The following MAP3K7CL variants were observed in gnomAD, a reference collection of about 807,000 sequenced individuals.
MAP3K7CL encodes MAP3K7 C-terminal like, also known as MAP3K7 C-terminal-like protein.
MAP3K7CL carries 16 observed loss-of-function variants against 18.6 expected under a neutral mutation model. The observed-to-expected ratio is 0.86, with a 90% CI of 0.58 to 1.31. The LOEUF (loss-of-function observed/expected upper bound fraction) is 1.31, where lower values mean the gene tolerates loss of function less well. Ranked by LOEUF, MAP3K7CL falls within the 50% of genes most tolerant of loss-of-function variation. MAP3K7CL has a pLI of 0.00. For missense variants in MAP3K7CL, 163 were observed against 174.4 expected, an observed-to-expected ratio of 0.93 and a Z score of 0.37; for synonymous variants, 65 against 66.8, an observed-to-expected ratio of 0.97 and a Z score of 0.13.
At chr21:29,107,595 C>T (rs73899337) in intron 4 of MAP3K7CL, among the ~76,000 whole-genome samples, 1 of 152,144 alleles carries the variant, frequency 6.6e-6, no homozygotes, top group African/African-American at 2.4e-5. Flanking sequence ...TCCCTTGCCA[C>T]CCCCACCTGT....
intron 2 of MAP3K7CL, among the ~76,000 whole-genome samples, chr21:29,134,934 C>T (rs1177895436): frequency 4.6e-5 from 7 of 152,048 alleles, no homozygotes; most frequent in African/African-American, 1.2e-4. Flanking sequence ...GCCTGTAGTC[C>T]CAGCTACTCG....
At chr21:29,109,473 G>C in intron 4 of MAP3K7CL, 1 of 1,150,556 alleles carries the variant, frequency 8.7e-7, no homozygotes, top group Non-Finnish European at 1.1e-6. Context: ...TCAGCATTCG[G>C]TTGTTCTCTT....
Position 29,109,422 on chromosome 21 carries a change from A to C in MAP3K7CL, c.370+16841A>C, listed in dbSNP as rs560688667. 7.0e-5 allele frequency: 90 copies of C among 1,280,290 alleles called. 2 individuals are homozygous for C. In the South Asian group the frequency reaches 1.7e-3, roughly 25 times the overall value. 79.3% of individuals were successfully genotyped at this position (1,280,290 alleles called of 1,614,324 possible). On this transcript the variant is annotated intron_variant, in intron 4 of 6. Coordinates refer to the MAP3K7CL transcript ENST00000286791. ...AAAAATGCTCAGCCAGGAGGTGTTAAGTATTTCACTAAGTGTGAGACTTCT... is the reference window on the plus strand; with the variant it reads ...AAAAATGCTCAGCCAGGAGGTGTTACGTATTTCACTAAGTGTGAGACTTCT...
At chr21:29,087,042 G>A (rs909543310) in intron 1 of MAP3K7CL, among the ~76,000 whole-genome samples, 3 of 152,124 alleles carry the variant, frequency 2.0e-5, no homozygotes, top group Non-Finnish European at 2.9e-5. Context: ...CATGTCCTGC[G>A]TCTTTTCCAC....
chr21:29,174,770 C>G lies in MAP3K7CL; in HGVS notation c.307C>G (p.Leu103Val). 1 of 1,614,114 alleles carries G rather than the reference C, an allele frequency of 6.2e-7. No homozygotes were observed. Among genetic ancestry groups the G allele is most frequent in the Non-Finnish European group, 8.5e-7 (1 of 1,179,998 alleles). The change falls in exon 5 of 5, where the codon CTG (leucine) becomes GTG (valine). Residue 103 changes from leucine (L) to valine (V), a missense_variant. By Grantham distance (32) the Leu-to-Val change is conservative (BLOSUM62 1). Transcript: ENST00000399928. ...AAAGGAGAAGGTGGATGCTGCTGAG[C>G]TGGTTCGGGAATTCGAGGCTCTGAC... Reference protein sequence around the residue: ...AEKEKVDAAELVREFEALTEE... With the variant: ...AEKEKVDAAEVVREFEALTEE...
intron 1 of MAP3K7CL, among the ~76,000 whole-genome samples, chr21:29,089,094 C>A (rs919482647): frequency 7.0e-6 from 1 of 142,872 alleles, no homozygotes; most frequent in African/African-American, 2.6e-5. Context: ...CACTTGTACC[C>A]AGGAGGGAGA....
chr21:29,153,799 G>C (rs2087334572), intron 3 of MAP3K7CL, among the ~76,000 whole-genome samples: 6 of 152,118 alleles, frequency 3.9e-5, no homozygotes, highest in African/African-American at 1.4e-4. Context: ...GTCTCTCTCT[G>C]TTCTAAAAGA....
intron 2 of MAP3K7CL, among the ~76,000 whole-genome samples, chr21:29,143,601 T>C (rs2087057067): frequency 6.6e-6 from 1 of 151,914 alleles, no homozygotes; most frequent in African/African-American, 2.4e-5. Flanking sequence ...TTTTGTATTT[T>C]TGGTAGAGAC....
At chr21:29,110,808 T>G (rs1355556726) in intron 4 of MAP3K7CL, among the ~76,000 whole-genome samples, 2 of 152,230 alleles carry the variant, frequency 1.3e-5, no homozygotes, top group Non-Finnish European at 1.5e-5. Context: ...AAGAACTTCT[T>G]TTTGTTCTCT....
At chr21:29,086,066 G>A (rs2146484171) in intron 1 of MAP3K7CL, 1 of 847,688 alleles carries the variant, frequency 1.2e-6, no homozygotes. Context: ...GCAATCTGTG[G>A]GAGGTCGGCA....
intron 4 of MAP3K7CL, among the ~76,000 whole-genome samples, chr21:29,113,541 C>T (rs980733750): frequency 3.3e-5 from 5 of 152,146 alleles, no homozygotes; most frequent in African/African-American, 1.2e-4. Flanking sequence ...GCAACCTCTG[C>T]CTCCTGGGCT....
intron 2 of MAP3K7CL, among the ~76,000 whole-genome samples, chr21:29,145,247 T>C (rs2087101476): frequency 6.6e-6 from 1 of 152,200 alleles, no homozygotes; most frequent in Non-Finnish European, 1.5e-5. Context: ...GCTGTGATTT[T>C]GTCCCATTAT....
chr21:29,083,160 T>A (rs898853021), upstream of MAP3K7CL, among the ~76,000 whole-genome samples: 2 of 152,198 alleles, frequency 1.3e-5, no homozygotes, highest in Non-Finnish European at 2.9e-5. Flanking sequence ...CTCAATTTTC[T>A]TGGCCTTACT....
At chr21:29,088,039 A>G (rs1321732002) in intron 1 of MAP3K7CL, among the ~76,000 whole-genome samples, 1 of 152,218 alleles carries the variant, frequency 6.6e-6, no homozygotes, top group Non-Finnish European at 1.5e-5. Flanking sequence ...TCACTAAGTG[A>G]GTAAGAGCTT....
At chr21:29,131,693 C>T (rs1044363076) in intron 1 of MAP3K7CL, among the ~76,000 whole-genome samples, 2 of 152,270 alleles carry the variant, frequency 1.3e-5, no homozygotes, top group East Asian at 3.9e-4. Context: ...AATTATGATT[C>T]TAACTGGATA....
At chr21:29,092,316 C>T (rs1160304838) in intron 3 of MAP3K7CL, 3 of 920,204 alleles carry the variant, frequency 3.3e-6, no homozygotes, top group Non-Finnish European at 4.8e-6. Context: ...ATTAACAACC[C>T]TCTCTAAAGA....
intron 3 of MAP3K7CL, among the ~76,000 whole-genome samples, chr21:29,154,663 A>G (rs2087357288): frequency 6.6e-6 from 1 of 152,250 alleles, no homozygotes. Flanking sequence ...TGAAAATGAT[A>G]GAAAATGAAG....
upstream of MAP3K7CL, among the ~76,000 whole-genome samples, chr21:29,125,935 A>T (rs1433318514): frequency 6.6e-6 from 1 of 152,240 alleles, no homozygotes; most frequent in Admixed American, 6.5e-5. Flanking sequence ...AGAGGTGTTT[A>T]TTCACTGGTG....
chr21:29,077,928 G>T (rs1022872620), intron 1 of MAP3K7CL, among the ~76,000 whole-genome samples: 1 of 152,228 alleles, frequency 6.6e-6, no homozygotes, highest in Non-Finnish European at 1.5e-5. Context: ...GAGGATTGGG[G>T]GTTGGGGATG....
Sources: allele counts gnomAD v4.1 joint callset (sites outside exome capture counted in the v4.1 genomes callset), GRCh38; gene constraint gnomAD v4.1.1; transcripts MANE v1.5; gene names NCBI Gene and HGNC (gene_info 2026-07-23, HGNC 2026-07-21).